STK35: variants seen among roughly 807,000 people sequenced by gnomAD.
STK35 encodes serine/threonine-protein kinase 35.
Under a neutral mutation model 37.3 loss-of-function variants are expected in STK35, and 17 were observed. That is an observed-to-expected ratio of 0.46 (90% CI 0.31 to 0.68). The LOEUF is 0.68. STK35 is among the 30% of genes least tolerant of loss of function. STK35 has a pLI of 0.05. For missense variants in STK35, 595 were observed against 746.7 expected, an observed-to-expected ratio of 0.80 and a Z score of 2.37; for synonymous variants, 385 against 319.1, an observed-to-expected ratio of 1.21 and a Z score of -2.20.
rs1404514236 is a variant in STK35 at position 2,148,159 on chromosome 20, C to G, written c.*4413C>G. 6.6e-6 allele frequency: 1 copy of G among 152,490 alleles called. No individual in the cohort carries two copies. Among genetic ancestry groups the G allele is most frequent in the Admixed American group, 6.5e-5 (1 of 15,272 alleles). 9.4% of individuals were successfully genotyped at this position (152,490 alleles called of 1,614,324 possible). ...GCCCACAGGAGGAAGGGAGCCTCTT[C>G]AGGGGCACTGGAATCTTTTGTGCCA... is the stretch of plus-strand genomic sequence containing the variant. On this transcript the variant is annotated 3_prime_UTR_variant, in exon 4 of 4. Transcript: ENST00000381482.
At chr20:2,142,461 G>A (rs930371062) in intron 3 of STK35, among the ~76,000 whole-genome samples, 10 of 152,178 alleles carry the variant, frequency 6.6e-5, no homozygotes, top group Non-Finnish European at 1.3e-4. Flanking sequence ...AGAAAGGCAC[G>A]CACAGTGAAA....
At chr20:2,127,552 A>C (rs1985927578) in intron 3 of STK35, among the ~76,000 whole-genome samples, 1 of 152,222 alleles carries the variant, frequency 6.6e-6, no homozygotes, top group East Asian at 1.9e-4. Flanking sequence ...CACCCCAGAC[A>C]AACAGGCTAA....
chr20:2,102,197 T>G (rs972207851), intron 1 of STK35, 22 bp downstream of exon 1: 28 of 1,368,888 alleles, frequency 2.0e-5, no homozygotes, highest in Non-Finnish European at 1.9e-5. Context: ...GTTGGAGGAC[T>G]GAAGGCCAGC....
rs1985742082 is a variant in STK35, at chr20:2,117,714, G to A, written c.*37+299G>A. 6.6e-6 allele frequency among the ~76,000 whole-genome samples: 1 copy of A among 152,176 alleles called. No homozygotes were observed. Reference sequence around the variant, plus strand: ...CTGGTCTCAGCCTCCCAAAGTGCTGGGATTACAGTTGTGAGCCACCATGCC... The same window carrying A: ...CTGGTCTCAGCCTCCCAAAGTGCTGAGATTACAGTTGTGAGCCACCATGCC... On this transcript the variant is annotated intron_variant, in intron 3 of 3. Coordinates refer to ENST00000381482, the MANE Select transcript of STK35 (RefSeq NM_080836.4). This position sits in a 1 kb window ranked among gnomAD's most constrained non-coding sequence, Gnocchi z 4.4.
At chr20:2,103,893 C>A (rs184019369) in intron 2 of STK35, among the ~76,000 whole-genome samples, 2 of 152,134 alleles carry the variant, frequency 1.3e-5, no homozygotes, top group Admixed American at 1.3e-4. Flanking sequence ...TCCTCTGAGG[C>A]CCCCGGCCCT....
At chr20:2,107,869 T>C (rs919052464) in intron 2 of STK35, among the ~76,000 whole-genome samples, 1 of 152,152 alleles carries the variant, frequency 6.6e-6, no homozygotes. Flanking sequence ...TGGGGAAATA[T>C]AAGTTAACAC....
chr20:2,110,601 T>C (rs1258617678), intron 2 of STK35, among the ~76,000 whole-genome samples: 1 of 152,210 alleles, frequency 6.6e-6, no homozygotes, highest in African/African-American at 2.4e-5. Context: ...TTGTGTCTTT[T>C]TGACACTTTT....
chr20:2,104,253 G>A (rs543624731), intron 2 of STK35, among the ~76,000 whole-genome samples: 1 of 152,278 alleles, frequency 6.6e-6, no homozygotes, highest in African/African-American at 2.4e-5. Context: ...GCTTGGAGAG[G>A]AGAGAGGCGG....
chr20:2,111,252 A>C (rs1985612090), intron 2 of STK35, among the ~76,000 whole-genome samples: 1 of 152,114 alleles, frequency 6.6e-6, no homozygotes, highest in South Asian at 2.1e-4. Context: ...ATTGTCCAAG[A>C]TATGCTCTTT....
intron 3 of STK35, among the ~76,000 whole-genome samples, chr20:2,126,740 A>G (rs1372519493): frequency 6.6e-6 from 1 of 152,222 alleles, no homozygotes; most frequent in Non-Finnish European, 1.5e-5. Flanking sequence ...TAAAACTGCC[A>G]ACCAAGTTTA....
chr20:2,126,431 A>G (rs895875066), intron 3 of STK35, among the ~76,000 whole-genome samples: 1 of 152,102 alleles, frequency 6.6e-6, no homozygotes, highest in African/African-American at 2.4e-5. Flanking sequence ...CTTGTAAGCC[A>G]GGTGGGATGC....
Position 2,117,512 on chromosome 20 carries a change from T to TC in STK35, c.*37+98dup, listed in dbSNP as rs1985737715. 2 of 654,834 alleles carry TC rather than the reference T, an allele frequency of 3.1e-6. No individual in the cohort carries two copies. Among genetic ancestry groups the TC allele is most frequent in the Non-Finnish European group, 5.0e-6 (2 of 397,124 alleles). The allele number at this position is 654,834 out of a possible 1,614,324, so 40.6% of individuals were successfully genotyped here. On this transcript the variant is annotated intron_variant, in intron 3 of 3. Coordinates refer to ENST00000381482, the MANE Select transcript of STK35 (RefSeq NM_080836.4). The surrounding 1 kb of genome is among the most constrained non-coding windows in gnomAD (Gnocchi z 4.4). Reference sequence around the variant, plus strand: ...GTGCAGCGGGTGCAGTGGCAGGATCTCAGCTCACTGCAACCTCCACCTCCC... The same window carrying TC: ...GTGCAGCGGGTGCAGTGGCAGGATCTCCAGCTCACTGCAACCTCCACCTCCC...
rs531629769 is a variant in STK35, at chr20:2,141,651, A to G, written c.*38-2133A>G. On this transcript the variant is annotated intron_variant, in intron 3 of 3. Coordinates refer to ENST00000381482, the MANE Select transcript of STK35 (RefSeq NM_080836.4). ...CAGAAGTGAGGGAAGAGGAAAATCCAGTCACAACAAGCACAACATGTTGGT... is the reference window on the plus strand; with the variant it reads ...CAGAAGTGAGGGAAGAGGAAAATCCGGTCACAACAAGCACAACATGTTGGT... Among the ~76,000 whole-genome samples the G allele has an allele frequency of 1.3e-4, 20 of 152,370 alleles. No homozygotes were observed. In the South Asian group the frequency reaches 3.9e-3, roughly 30 times the overall value.
At chr20:2,116,385 C>T (rs1345671803) in intron 2 of STK35, among the ~76,000 whole-genome samples, 1 of 152,122 alleles carries the variant, frequency 6.6e-6, no homozygotes, top group African/African-American at 2.4e-5. Flanking sequence ...TATGGCACTC[C>T]CTGTTTGGAG....
chr20:2,110,359 A>G (rs1285103975), intron 2 of STK35, among the ~76,000 whole-genome samples: 1 of 152,166 alleles, frequency 6.6e-6, no homozygotes, highest in Non-Finnish European at 1.5e-5. Flanking sequence ...TGCTTATTAC[A>G]TGCTATGTGA....
chr20:2,114,475 A>G (rs1275391688), intron 2 of STK35, among the ~76,000 whole-genome samples: 2 of 152,128 alleles, frequency 1.3e-5, no homozygotes, highest in Non-Finnish European at 2.9e-5. Flanking sequence ...TATCTGGGAC[A>G]AATAGCTGCA....
chr20:2,128,024 G>A (rs1985935924), intron 3 of STK35, among the ~76,000 whole-genome samples: 3 of 152,170 alleles, frequency 2.0e-5, no homozygotes, highest in African/African-American at 7.2e-5. Context: ...AACACACAGT[G>A]TCAGTGAGAA....
At chr20:2,131,424 G>T (rs1389331842) in intron 3 of STK35, among the ~76,000 whole-genome samples, 1 of 152,112 alleles carries the variant, frequency 6.6e-6, no homozygotes, top group African/African-American at 2.4e-5. Flanking sequence ...GACCAGCCTG[G>T]GCCACAGAGG....
chr20:2,116,016 A>G (rs1985710428), intron 2 of STK35, among the ~76,000 whole-genome samples: 4 of 151,716 alleles, frequency 2.6e-5, no homozygotes, highest in African/African-American at 9.7e-5. Flanking sequence ...ACAGCTTTTG[A>G]TGGTTGCTGC....
Sources: gnomAD v4.1 joint callset for allele counts (sites outside exome capture counted in the v4.1 genomes callset) on GRCh38, gnomAD v4.1.1 for gene constraint, Gnocchi (gnomAD v3.1) non-coding constraint, MANE v1.5 for transcripts, NCBI Gene and HGNC (gene_info 2026-07-23, HGNC 2026-07-21) for gene names.